PSAP: variants seen among roughly 807,000 people sequenced by gnomAD.
PSAP encodes the protein prosaposin.
PSAP carries 25 observed loss-of-function variants against 66.0 expected under a neutral mutation model. The ratio of observed to expected loss-of-function variants is 0.38; its 90% CI spans 0.28 to 0.53. PSAP has a LOEUF of 0.53. Ranked by LOEUF, PSAP falls within the 20% of genes least tolerant of loss-of-function variation. PSAP has a pLI of 0.83. For missense variants in PSAP, 649 were observed against 668.8 expected (o/e 0.97, Z 0.33); for synonymous variants, 273 against 258.9 (o/e 1.05, Z -0.52).
intron 5 of PSAP, 23 bp from the exon 6 acceptor site, chr10:71,828,180 T>C (rs1321106587): frequency 6.2e-7 from 1 of 1,614,006 alleles, no homozygotes. Flanking sequence ...CAGTTAGGTT[T>C]GCAACTTAAG....
chr10:71,831,400 A>G, intron 3 of PSAP, 149 bp from the exon 4 acceptor site: 2 of 962,994 alleles, frequency 2.1e-6, no homozygotes, highest in South Asian at 2.8e-5. Flanking sequence ...CATGTTACCT[A>G]TGGCTCTATT....
intron 1 of PSAP, among the ~76,000 whole-genome samples, chr10:71,837,275 A>G (rs918635089): frequency 2.6e-5 from 4 of 152,190 alleles, no homozygotes; most frequent in African/African-American, 9.7e-5. Flanking sequence ...GAACGACATG[A>G]TGACATACGT....
intron 1 of PSAP, among the ~76,000 whole-genome samples, chr10:71,847,413 T>TGG (rs1351079148): frequency 2.6e-5 from 4 of 152,174 alleles, no homozygotes; most frequent in African/African-American, 9.7e-5. Flanking sequence ...ATAGGCATGG[T>TGG]GGTGGGCACC....
At chr10:71,845,858 G>T (rs1184229476) in intron 1 of PSAP, among the ~76,000 whole-genome samples, 1 of 152,112 alleles carries the variant, frequency 6.6e-6, no homozygotes, top group Non-Finnish European at 1.5e-5. Flanking sequence ...ACTATGAACT[G>T]CCTGCCAACT....
intron 6 of PSAP, among the ~76,000 whole-genome samples, chr10:71,827,124 C>T (rs1467075295): frequency 6.6e-6 from 1 of 152,000 alleles, no homozygotes; most frequent in Non-Finnish European, 1.5e-5. Flanking sequence ...TGGCCGGGCG[C>T]GGTGGCTCAC....
chr10:71,850,540 C>A (rs1039008582), intron 1 of PSAP, among the ~76,000 whole-genome samples: 2 of 152,136 alleles, frequency 1.3e-5, no homozygotes, highest in African/African-American at 4.8e-5. Flanking sequence ...CAGCTGTATC[C>A]CAACCACCTT....
At chr10:71,820,199 G>C (rs1275557804) in intron 9 of PSAP, 41 bp downstream of exon 9, 1 of 1,529,144 alleles carries the variant, frequency 6.5e-7, no homozygotes, top group Non-Finnish European at 9.1e-7. Flanking sequence ...CAGGCTCGGG[G>C]GGGCAGGAGA....
In PSAP at chr10:71,821,983, C is replaced by T. The variant is rs774017744; in HGVS notation, c.802G>A (p.Val268Ile). Reference protein sequence around the residue: ...HMQPKEICALVGFCDEVKEMP... With the variant: ...HMQPKEICALIGFCDEVKEMP... ...TCTTTCACCTCATCACAGAACCCAA[C>T]CAGCGCACAGATCTCCTTGGGTTGC... Residue 268 changes from valine (V) to isoleucine (I), a missense_variant, in exon 8 of 14, where the codon GTT (valine) becomes ATT (isoleucine). Physicochemically the swap from Val to Ile is conservative, Grantham distance 29. Transcript: ENST00000394936. 58 of 1,614,066 alleles carry T rather than the reference C, an allele frequency of 3.6e-5. No homozygotes were observed. Among genetic ancestry groups the T allele is most frequent in the Non-Finnish European group, 4.5e-5 (53 of 1,180,028 alleles).
chr10:71,831,375 G>A, intron 3 of PSAP, 124 bp from the exon 4 acceptor site: 2 of 1,295,224 alleles, frequency 1.5e-6, no homozygotes, highest in Non-Finnish European at 2.2e-6. Context: ...CAGCCCTCAG[G>A]GAAAAGGACT....
intron 7 of PSAP, chr10:71,822,546 T>C (rs1842325006): frequency 2.1e-6 from 1 of 471,406 alleles, no homozygotes; most frequent in Non-Finnish European, 4.4e-6. Flanking sequence ...ACAGTGCACA[T>C]GAAAACCCAA....
chr10:71,819,991 G>C lies in PSAP; in HGVS notation c.1006-91C>G, dbSNP rs1205079167. On this transcript the variant is annotated intron_variant, in intron 9 of 13. Coordinates refer to ENST00000394936, the MANE Select transcript of PSAP (RefSeq NM_002778.4). ...AAATACTAACATGGCCAGGAAATGA[G>C]TCAATGGTGGGTGCCGTTTCCACCC... 3 of 1,181,748 alleles carry C rather than the reference G, an allele frequency of 2.5e-6. No individual in the cohort carries two copies. In the Admixed American group the frequency reaches 5.8e-5, roughly 23 times the overall value. 73.2% of individuals were successfully genotyped at this position (1,181,748 alleles called of 1,614,324 possible).
chr10:71,845,181 T>C (rs1467299627), intron 1 of PSAP, among the ~76,000 whole-genome samples: 3 of 152,110 alleles, frequency 2.0e-5, no homozygotes, highest in Non-Finnish European at 4.4e-5. Context: ...CCCCCAAGGA[T>C]AAAGAGAAAG....
At position 71,816,678 on chromosome 10, in the gene PSAP, T is replaced by A. The variant is rs958592746; in HGVS notation, c.*763A>T. On this transcript the variant is annotated 3_prime_UTR_variant, in exon 14 of 14. Coordinates refer to ENST00000394936, the MANE Select transcript of PSAP (RefSeq NM_002778.4). ...CGAGCAGGCACAGCGCGGCCACCAC[T>A]GTCCACACGCTCACACAAGCCAGGC... is the stretch of plus-strand genomic sequence containing the variant. 3.1e-6 allele frequency: 1 copy of A among 325,826 alleles called. No homozygotes were observed. Among genetic ancestry groups the A allele is most frequent in the African/African-American group, 2.2e-5 (1 of 46,348 alleles). 20.2% of individuals were successfully genotyped at this position (325,826 alleles called of 1,614,324 possible). A position where few individuals can be genotyped will look rare whatever the true frequency, so the allele number is the denominator to read the frequency against.
chr10:71,847,314 C>A (rs1340071318), intron 1 of PSAP, among the ~76,000 whole-genome samples: 2 of 152,238 alleles, frequency 1.3e-5, no homozygotes, highest in Non-Finnish European at 2.9e-5. Context: ...AATTACCTCC[C>A]ATTTACCCGA....
intron 7 of PSAP, 53 bp downstream of exon 7, chr10:71,825,784 C>G: frequency 2.0e-6 from 3 of 1,531,270 alleles, no homozygotes. Flanking sequence ...CTAGAAATGA[C>G]GAAACCTGAA....
In PSAP at chr10:71,834,377, T is replaced by C. The variant is rs762427540; in HGVS notation, c.169A>G (p.Thr57Ala). The change falls in exon 2 of 14, where the codon ACA (threonine) becomes GCA (alanine). Residue 57 changes from threonine (T) to alanine (A), a missense_variant. Coordinates refer to ENST00000394936, the MANE Select transcript of PSAP (RefSeq NM_002778.4). ...HCLQTVWNKP[T>A]VKSLPCDICK... ...TGGAGGGCAGCGGCACTCACCACTG[T>C]TGGCTTGTTCCAAACGGTCTGCAGG... The C allele has an allele frequency of 1.2e-6, 2 of 1,613,742 alleles. No homozygotes were observed. Among genetic ancestry groups the C allele is most frequent in the East Asian group, 2.2e-5 (1 of 44,892 alleles).
intron 1 of PSAP, among the ~76,000 whole-genome samples, chr10:71,847,573 T>G (rs1842844662): frequency 6.6e-6 from 1 of 151,918 alleles, no homozygotes; most frequent in African/African-American, 2.4e-5. Context: ...GGCTTCTCCC[T>G]TTCGGATGCC....
At chr10:71,820,129 G>C (rs1332152911) in intron 9 of PSAP, 111 bp downstream of exon 9, 1 of 1,056,968 alleles carries the variant, frequency 9.5e-7, no homozygotes, top group African/African-American at 1.6e-5. Flanking sequence ...GGACATGGCT[G>C]TACACATGTC....
intron 8 of PSAP, 110 bp downstream of exon 8, chr10:71,821,766 C>T: frequency 1.4e-6 from 2 of 1,459,646 alleles, no homozygotes; most frequent in East Asian, 2.3e-5. Flanking sequence ...CCTTTAGGAG[C>T]CAGGCAGGGA....
Sources: gnomAD v4.1 joint callset for allele counts (sites outside exome capture counted in the v4.1 genomes callset) on GRCh38, gnomAD v4.1.1 for gene constraint, MANE v1.5 for transcripts, NCBI Gene and HGNC (gene_info 2026-07-23, HGNC 2026-07-21) for gene names.